Variants in SP100 observed in about 807,000 individuals in gnomAD.
SP100 encodes SP100 nuclear body protein, also known as nuclear autoantigen Sp-100.
SP100 carries 84 observed loss-of-function variants against 130.0 expected under a neutral mutation model. The observed-to-expected ratio is 0.65, with a 90% CI of 0.54 to 0.77. The LOEUF is 0.77. Among genes scored for constraint, SP100 ranks in the 30% least tolerant of loss-of-function variants. The probability of loss-of-function intolerance (pLI) is 0.00; values close to 1 mark genes in which losing one functional copy is unlikely to be tolerated. For missense variants in SP100, 978 were observed against 1,052.2 expected, an observed-to-expected ratio of 0.93 and a Z score of 0.97; for synonymous variants, 331 against 351.7, an observed-to-expected ratio of 0.94 and a Z score of 0.66.
chr2:230,455,050 T>C (rs1419027792), intron 8 of SP100, among the ~76,000 whole-genome samples: 8 of 152,154 alleles, frequency 5.3e-5, no homozygotes, highest in African/African-American at 1.9e-4. Flanking sequence ...ATTTTCTTTC[T>C]TTCTTTTTGT....
At chr2:230,458,484 C>T (rs2064404646) in intron 8 of SP100, among the ~76,000 whole-genome samples, 1 of 152,062 alleles carries the variant, frequency 6.6e-6, no homozygotes, top group Non-Finnish European at 1.5e-5. Context: ...AGTTCAAGCC[C>T]CTGTTGTTGA....
At chr2:230,510,448 G>A (rs1014849702) in intron 23 of SP100, 1 of 133,850 alleles carries the variant, frequency 7.5e-6, no homozygotes. Flanking sequence ...TCCCTTTGCA[G>A]CTTCTCTGGA....
chr2:230,443,153 T>C lies in SP100; in HGVS notation c.270+54T>C, dbSNP rs2063536415. 5 of 1,569,778 alleles carry C rather than the reference T, an allele frequency of 3.2e-6. No homozygotes were observed. The Admixed American group carries it at 6.9e-5, about 22-fold the overall frequency. On this transcript the variant is annotated intron_variant, in intron 3 of 28. Coordinates refer to ENST00000340126, the MANE Select transcript of SP100 (RefSeq NM_001080391.2). The stretch of plus-strand genomic sequence containing the variant: ...GGTAAAGCAGCCCCAAAATAAGTTA[T>C]GCTTTGATATCCTAGACCAAAACTT...
In SP100 at chr2:230,501,414, T is replaced by C. The variant is rs201798898; in HGVS notation, c.1721-1652T>C. Among the ~76,000 whole-genome samples the C allele has an allele frequency of 3.9e-5, 6 of 152,224 alleles. No homozygotes were observed. In the East Asian group the frequency reaches 1.2e-3, roughly 29 times the overall value. ...CGGTAGAGCATGCTTTTTCTCAGGA[T>C]ATGATTCCTCTTGACATGTGAATTA... On this transcript the variant is annotated intron_variant, in intron 19 of 28. Coordinates refer to ENST00000340126, the MANE Select transcript of SP100 (RefSeq NM_001080391.2).
intron 15 of SP100, among the ~76,000 whole-genome samples, chr2:230,472,800 G>C (rs2065339363): frequency 6.6e-6 from 1 of 152,088 alleles, no homozygotes; most frequent in African/African-American, 2.4e-5. Context: ...AGAATAAGGT[G>C]TCCCCTGGCC....
intron 2 of SP100, among the ~76,000 whole-genome samples, chr2:230,427,316 C>T (rs1342955214): frequency 6.6e-6 from 1 of 152,060 alleles, no homozygotes; most frequent in East Asian, 1.9e-4. Flanking sequence ...TACCTGCCAC[C>T]ACACCCGGCT....
At chr2:230,514,370 A>C (rs1000434328) in intron 24 of SP100, among the ~76,000 whole-genome samples, 2 of 151,708 alleles carry the variant, frequency 1.3e-5, no homozygotes, top group Admixed American at 6.6e-5. Context: ...GGGAAAAAAA[A>C]CCTGTTCCAT....
chr2:230,538,467 C>G (rs1473902283), intron 24 of SP100: 2 of 152,176 alleles, frequency 1.3e-5, no homozygotes, highest in Non-Finnish European at 2.9e-5. Flanking sequence ...CAGGCACCCC[C>G]CTTGGAGATG....
intron 24 of SP100, among the ~76,000 whole-genome samples, chr2:230,512,410 C>T (rs1330478372): frequency 6.6e-6 from 1 of 150,598 alleles, no homozygotes; most frequent in Non-Finnish European, 1.5e-5. Context: ...CTGCCTCAGC[C>T]TCCCAAGTAG....
At chr2:230,460,475 CA>C in intron 8 of SP100, among the ~76,000 whole-genome samples, 1 of 151,918 alleles carries the variant, frequency 6.6e-6, no homozygotes, top group East Asian at 2.0e-4. Flanking sequence ...AATTACACAA[CA>C]AGCAAAATTA....
At chr2:230,428,890 G>T (rs2063018188) in intron 2 of SP100, among the ~76,000 whole-genome samples, 1 of 152,166 alleles carries the variant, frequency 6.6e-6, no homozygotes, top group South Asian at 2.1e-4. Flanking sequence ...GATTTCAGTG[G>T]GGACATGGAG....
chr2:230,514,295 T>C (rs1397069248), intron 24 of SP100, among the ~76,000 whole-genome samples: 1 of 152,184 alleles, frequency 6.6e-6, no homozygotes, highest in Non-Finnish European at 1.5e-5. Flanking sequence ...CATTAATAAT[T>C]GACTAGCAGA....
intron 2 of SP100, among the ~76,000 whole-genome samples, chr2:230,435,318 GTTAT>G (rs754716111): frequency 7.2e-5 from 11 of 152,106 alleles, no homozygotes; most frequent in Non-Finnish European, 1.6e-4. Flanking sequence ...TTTTGGAGGA[GTTAT>G]TTGTTGCTTT....
chr2:230,474,591 G>T lies in SP100; in HGVS notation c.1600+144G>T, dbSNP rs1575689831. 3 of 580,228 alleles carry T rather than the reference G, an allele frequency of 5.2e-6. No homozygotes were observed. In the East Asian group the frequency reaches 9.3e-5, roughly 18 times the overall value. 35.9% of individuals were successfully genotyped at this position (580,228 alleles called of 1,614,324 possible). ...TGCAGGTTTGTTACATGGGTAAATT[G>T]TGTGATGCTGAGGCTTGGTGTCCCA... On this transcript the variant is annotated intron_variant, in intron 17 of 28. Coordinates refer to ENST00000340126, the MANE Select transcript of SP100 (RefSeq NM_001080391.2).
At chr2:230,511,287 G>C in intron 24 of SP100, 121 bp downstream of exon 24, 1 of 768,756 alleles carries the variant, frequency 1.3e-6, no homozygotes, top group Non-Finnish European at 2.3e-6. Context: ...TGCTGTGTGT[G>C]ATTAGAAGAT....
At chr2:230,425,709 C>T (rs570065947) in intron 2 of SP100, among the ~76,000 whole-genome samples, 3 of 151,914 alleles carry the variant, frequency 2.0e-5, no homozygotes, top group South Asian at 2.1e-4. Flanking sequence ...GGAGAAATGG[C>T]CTGTAATTTT....
chr2:230,482,754 C>G (rs754650577), intron 17 of SP100, among the ~76,000 whole-genome samples: 16 of 152,050 alleles, frequency 1.1e-4, no homozygotes, highest in Non-Finnish European at 2.1e-4. Context: ...ATTGCCCTAT[C>G]TATTCTGCAT....
At chr2:230,527,922 C>A (rs533986165) in intron 24 of SP100, among the ~76,000 whole-genome samples, 1 of 152,284 alleles carries the variant, frequency 6.6e-6, no homozygotes, top group African/African-American at 2.4e-5. Context: ...CACCCAGATT[C>A]ATAAAGCAAG....
At position 230,451,276 on chromosome 2, in the gene SP100, T is replaced by C. The variant is rs117080632; in HGVS notation, c.820+1021T>C. ...CACCAACAGTGTACAAAGGTTCCCTTTTCTGCACATCCTCACCAACATTTG... is the reference window on the plus strand; with the variant it reads ...CACCAACAGTGTACAAAGGTTCCCTCTTCTGCACATCCTCACCAACATTTG... On this transcript the variant is annotated intron_variant, in intron 8 of 28. Transcript: ENST00000340126. 1.3e-3 allele frequency among the ~76,000 whole-genome samples: 205 copies of C among 152,354 alleles called. 1 individual carries two copies. The highest frequency in any genetic ancestry group is 0.011 in the East Asian group (58 of 5,194).
Sources: gnomAD v4.1 joint callset for allele counts (sites outside exome capture counted in the v4.1 genomes callset) on GRCh38, gnomAD v4.1.1 for gene constraint, MANE v1.5 for transcripts, NCBI Gene and HGNC (gene_info 2026-07-23, HGNC 2026-07-21) for gene names.